MTR: variants seen among roughly 807,000 people sequenced by gnomAD.
The protein encoded by MTR is 5-methyltetrahydrofolate-homocysteine methyltransferase, also known as methionine synthase.
Under a neutral mutation model 154.8 loss-of-function variants are expected in MTR, and 84 were observed. The ratio of observed to expected loss-of-function variants is 0.54; its 90% CI spans 0.45 to 0.65. The LOEUF (loss-of-function observed/expected upper bound fraction) is 0.65. Among genes scored for constraint, MTR ranks in the 30% least tolerant of loss-of-function variants. MTR has a pLI of 0.00. For synonymous variants in MTR, 554 were observed against 553.9 expected (o/e 1.00, Z 0.00); for missense variants, 1,275 against 1,570.2 (o/e 0.81, Z 3.18).
At position 236,831,985 on chromosome 1, in the gene MTR, T is replaced by C. The variant is rs200961421; in HGVS notation, c.1095T>C (p.Ile365=). The change falls in exon 13 of 33, where the codon ATT becomes ATC. Residue 365 remains isoleucine, a synonymous_variant. Transcript: ENST00000366577. ...MLLSGLEPFR[I]GPYTNFVNIG... Reference sequence around the variant, plus strand: ...TTTAAGGTCTAGAGCCCTTCAGGATTGGACCGTACACCAACTTTGTTAACA... The same window carrying C: ...TTTAAGGTCTAGAGCCCTTCAGGATCGGACCGTACACCAACTTTGTTAACA... 2.5e-6 allele frequency: 4 copies of C among 1,614,180 alleles called. No homozygotes were observed. The African/African-American group carries it at 5.3e-5, about 22-fold the overall frequency.
At chr1:236,897,206 G>A in intron 32 of MTR, 88 bp downstream of exon 32, 1 of 1,054,352 alleles carries the variant, frequency 9.5e-7, no homozygotes, top group South Asian at 1.3e-5. Flanking sequence ...TGAGAATAAA[G>A]TGAGGGGAAA....
chr1:236,860,018 C>G, intron 19 of MTR, 96 bp downstream of exon 19: 1 of 983,986 alleles, frequency 1.0e-6, no homozygotes, highest in Middle Eastern at 3.0e-4. Context: ...AAGGAGATGC[C>G]TAGACCACTG....
In MTR at chr1:236,807,032, A is replaced by G. The variant is rs60827823; in HGVS notation, c.339+799A>G. Among the ~76,000 whole-genome samples the G allele has an allele frequency of 8.1e-3, 1,227 of 152,290 alleles. 18 individuals are homozygous for G. Among genetic ancestry groups the G allele is most frequent in the African/African-American group, 0.028 (1,153 of 41,548 alleles). ...ACCTTTCGGCTATTGTGAATATGCAATGTTGCTATATACATGTATATATAG... is the reference window on the plus strand; with the variant it reads ...ACCTTTCGGCTATTGTGAATATGCAGTGTTGCTATATACATGTATATATAG... On this transcript the variant is annotated intron_variant, in intron 3 of 32. Transcript: ENST00000366577.
At chr1:236,808,041 A>G (rs1661083622) in intron 3 of MTR, among the ~76,000 whole-genome samples, 1 of 152,154 alleles carries the variant, frequency 6.6e-6, no homozygotes, top group Non-Finnish European at 1.5e-5. Context: ...GACACATAGG[A>G]TCTTAGGAAT....
rs372133945 is a variant in MTR, at chr1:236,894,563, G to A, written c.3405+6G>A. 1.9e-6 allele frequency: 3 copies of A among 1,613,974 alleles called. No individual in the cohort carries two copies. The highest frequency in any genetic ancestry group is 1.7e-6 in the Non-Finnish European group (2 of 1,180,034). ...TGGGGGACCGGCTGGCAGAGGTAAG[G>A]CAGAGGCATTGCGCCGAGGGGCTGA... On this transcript the variant is annotated splice_donor_region_variant and intron_variant, in intron 30 of 32. Coordinates refer to ENST00000366577, the MANE Select transcript of MTR (RefSeq NM_000254.3).
At chr1:236,813,236 G>A (rs755060520) in intron 6 of MTR, among the ~76,000 whole-genome samples, 1 of 152,068 alleles carries the variant, frequency 6.6e-6, no homozygotes, top group Non-Finnish European at 1.5e-5. Context: ...TTACCAGTTT[G>A]GGGGTCCTGA....
At chr1:236,874,970 A>G (rs1665350504) in intron 24 of MTR, 124 bp downstream of exon 24, 5 of 1,098,022 alleles carry the variant, frequency 4.6e-6, no homozygotes, top group South Asian at 4.1e-5. Flanking sequence ...TTTTTGTTAT[A>G]TAAACACAAA....
At chr1:236,860,088 C>T (rs991483809) in intron 19 of MTR, among the ~76,000 whole-genome samples, 166 bp downstream of exon 19, 2 of 64,536 alleles carry the variant, frequency 3.1e-5, no homozygotes, top group East Asian at 6.8e-4. Context: ...CCCCCCCCCC[C>T]CCACCATAGC....
In MTR at chr1:236,903,536, A is replaced by G. The variant is rs1182780627; in HGVS notation, c.*5892A>G. The G allele has an allele frequency of 1.3e-5, 2 of 152,200 alleles. No homozygotes were observed. Among genetic ancestry groups the G allele is most frequent in the African/African-American group, 2.4e-5 (1 of 41,452 alleles). The allele number at this position is 152,200 out of a possible 1,614,324, so 9.4% of individuals were successfully genotyped here. A position where few individuals can be genotyped will look rare whatever the true frequency, so the allele number is the denominator to read the frequency against. On this transcript the variant is annotated 3_prime_UTR_variant, in exon 33 of 33. Coordinates refer to ENST00000366577, the MANE Select transcript of MTR (RefSeq NM_000254.3). ...CTTTTGGAGACTCACGAAACAAGCAATCCCTAAATTCTCGCCCAGGAAAGT... is the reference window on the plus strand; with the variant it reads ...CTTTTGGAGACTCACGAAACAAGCAGTCCCTAAATTCTCGCCCAGGAAAGT...
intron 1 of MTR, chr1:236,800,440 A>G: frequency 1.1e-5 from 11 of 985,426 alleles, no homozygotes; most frequent in Non-Finnish European, 1.3e-5. Flanking sequence ...TTGCAGCTAC[A>G]TCCTTTTGAG....
intron 22 of MTR, among the ~76,000 whole-genome samples, chr1:236,870,530 C>T (rs749193714): frequency 3.3e-5 from 5 of 152,080 alleles, no homozygotes; most frequent in African/African-American, 4.8e-5. Context: ...TCTGCATTTC[C>T]GACAAACTCT....
rs964864984 is a variant in MTR at position 236,901,828 on chromosome 1, A to G, written c.*4184A>G. On this transcript the variant is annotated 3_prime_UTR_variant, in exon 33 of 33. Transcript: ENST00000366577. The stretch of plus-strand genomic sequence containing the variant: ...AAAGATGCCATCTCCAAACACCATC[A>G]TTCTGGGGATTCCATTTCAACATGA... 2 of 152,228 alleles carry G rather than the reference A, an allele frequency of 1.3e-5. No individual in the cohort carries two copies. The highest frequency in any genetic ancestry group is 2.9e-5 in the Non-Finnish European group (2 of 68,072). 9.4% of individuals were successfully genotyped at this position (152,228 alleles called of 1,614,324 possible).
chr1:236,874,263 C>T (rs867258625), intron 23 of MTR, among the ~76,000 whole-genome samples: 5 of 152,006 alleles, frequency 3.3e-5, no homozygotes, highest in Non-Finnish European at 4.4e-5. Flanking sequence ...ATTCCCCAGT[C>T]GGAAAAGATG....
chr1:236,830,160 C>T (rs895332379), intron 12 of MTR, among the ~76,000 whole-genome samples: 1 of 151,464 alleles, frequency 6.6e-6, no homozygotes, highest in Non-Finnish European at 1.5e-5. Context: ...TTAACACATA[C>T]GAACTATATT....
chr1:236,817,697 T>C (rs1275148905), intron 8 of MTR, among the ~76,000 whole-genome samples: 2 of 152,212 alleles, frequency 1.3e-5, no homozygotes, highest in African/African-American at 4.8e-5. Context: ...ATTTTATCAA[T>C]TATGTGATGT....
In MTR at chr1:236,812,671, G is replaced by A. The variant is rs150411467; in HGVS notation, c.503-67G>A. The A allele has an allele frequency of 3.0e-4, 375 of 1,261,600 alleles. 5 individuals are homozygous for A. In the East Asian group the frequency reaches 6.8e-3, roughly 23 times the overall value. The allele number at this position is 1,261,600 out of a possible 1,614,324, so 78.2% of individuals were successfully genotyped here. A position where few individuals can be genotyped will look rare whatever the true frequency, so the allele number is the denominator to read the frequency against. ...GTTCACAGGTGCCAGACCTACACTCGAGATACCCTAGGGCCATTCAGAGGA... is the reference window on the plus strand; with the variant it reads ...GTTCACAGGTGCCAGACCTACACTCAAGATACCCTAGGGCCATTCAGAGGA... On this transcript the variant is annotated intron_variant, in intron 5 of 32. Coordinates refer to ENST00000366577, the MANE Select transcript of MTR (RefSeq NM_000254.3).
At chr1:236,832,817 T>C (rs946403) in intron 13 of MTR, among the ~76,000 whole-genome samples, 67,049 of 151,920 alleles carry the variant, frequency 0.44, 14,969 homozygotes, top group East Asian at 0.49. Flanking sequence ...GACCATTTAT[T>C]CCCCTTCATG....
chr1:236,796,670 GC>G (rs1243240965), intron 1 of MTR, among the ~76,000 whole-genome samples: 6 of 152,006 alleles, frequency 3.9e-5, no homozygotes, highest in African/African-American at 1.5e-4. Context: ...TGGAACTGTG[GC>G]TGAGAAACAC....
Position 236,795,729 on chromosome 1 carries a change from C to T in MTR, c.26C>T (p.Ser9Leu), listed in dbSNP as rs201533281. The T allele has an allele frequency of 9.3e-6, 15 of 1,614,202 alleles. No individual in the cohort carries two copies. In the East Asian group the frequency reaches 2.9e-4, roughly 31 times the overall value. MSPALQDL[S>L]QPEGLKKTLR... Reference sequence around the variant, plus strand: ...ATGTCACCCGCGCTCCAAGACCTGTCGCAACCCGGTAACGCTGCGACCCCG... The same window carrying T: ...ATGTCACCCGCGCTCCAAGACCTGTTGCAACCCGGTAACGCTGCGACCCCG... Residue 9 changes from serine to leucine, a missense_variant, in exon 1 of 33, where the codon TCG becomes TTG. Ser to Leu is a moderately radical substitution (Grantham distance 145). Transcript: ENST00000366577.
Sources: gnomAD v4.1 joint callset for allele counts (sites outside exome capture counted in the v4.1 genomes callset) on GRCh38, gnomAD v4.1.1 for gene constraint, MANE v1.5 for transcripts, NCBI Gene and HGNC (gene_info 2026-07-23, HGNC 2026-07-21) for gene names.